The following PRSS23 variants were observed in gnomAD, a reference collection of about 807,000 sequenced individuals.
PRSS23 encodes protease, serine 23.
Under a neutral mutation model 34.7 loss-of-function variants are expected in PRSS23, and 25 were observed. The ratio of observed to expected loss-of-function variants is 0.72; its 90% CI spans 0.53 to 1.01. The LOEUF (loss-of-function observed/expected upper bound fraction) is 1.01, where lower values mean the gene tolerates loss of function less well. PRSS23 is among the 50% of genes least tolerant of loss of function. The pLI is 0.00. For synonymous variants in PRSS23, 176 were observed against 186.6 expected (o/e 0.94, Z 0.46); for missense variants, 445 against 475.6 (o/e 0.94, Z 0.60).
intron 2 of PRSS23, chr11:86,936,415 G>T (rs1293748756): frequency 6.6e-6 from 1 of 152,276 alleles, no homozygotes; most frequent in African/African-American, 2.4e-5. Context: ...TTACAGGCAT[G>T]TGACACCACA....
intron 2 of PRSS23, among the ~76,000 whole-genome samples, chr11:86,906,427 G>A (rs1948943413): frequency 6.6e-6 from 1 of 152,180 alleles, no homozygotes; most frequent in African/African-American, 2.4e-5. Context: ...CCAGCTGCCC[G>A]CCCCTGCGCC....
chr11:86,894,868 C>A (rs937022046), intron 2 of PRSS23, among the ~76,000 whole-genome samples: 13 of 152,134 alleles, frequency 8.5e-5, no homozygotes, highest in African/African-American at 3.1e-4. Flanking sequence ...TAAGGTATCT[C>A]ATTTATGTTT....
intron 2 of PRSS23, among the ~76,000 whole-genome samples, chr11:86,831,411 G>A (rs1216715652): frequency 2.0e-4 from 30 of 151,586 alleles, no homozygotes; most frequent in Admixed American, 2.0e-3. Context: ...TATCCTAGTG[G>A]GATGATACTC....
At chr11:86,815,701 A>G (rs1161287094), downstream of PRSS23, among the ~76,000 whole-genome samples, 1 of 152,132 alleles carries the variant, frequency 6.6e-6, no homozygotes, top group Non-Finnish European at 1.5e-5. Context: ...TATCTATCCC[A>G]TGGTCTAGCA....
intron 2 of PRSS23, among the ~76,000 whole-genome samples, chr11:86,823,822 C>T (rs1000361602): frequency 6.6e-6 from 1 of 151,534 alleles, no homozygotes; most frequent in Non-Finnish European, 1.5e-5. Flanking sequence ...CTGGCTAACA[C>T]GGTGAAACCC....
intron 1 of PRSS23, among the ~76,000 whole-genome samples, chr11:86,805,468 C>G (rs527522483): frequency 6.6e-6 from 1 of 152,280 alleles, no homozygotes; most frequent in South Asian, 2.1e-4. Context: ...ATGCGGGCAC[C>G]CCATGTTTTC....
chr11:86,944,352 C>G (rs1949226318), intron 2 of PRSS23, among the ~76,000 whole-genome samples: 1 of 151,856 alleles, frequency 6.6e-6, no homozygotes, highest in African/African-American at 2.4e-5. Flanking sequence ...TGCAAAGACC[C>G]TATTTCCTAA....
At chr11:86,927,295 C>T (rs561103335) in intron 2 of PRSS23, among the ~76,000 whole-genome samples, 1 of 152,250 alleles carries the variant, frequency 6.6e-6, no homozygotes, top group East Asian at 1.9e-4. Flanking sequence ...AGGGAGAAGA[C>T]AGTCTCACAG....
chr11:86,822,442 G>A (rs1948259120), intron 1 of PRSS23, among the ~76,000 whole-genome samples: 1 of 152,042 alleles, frequency 6.6e-6, no homozygotes, highest in Non-Finnish European at 1.5e-5. Context: ...GCCACATAGT[G>A]AGACCTCGTC....
chr11:86,840,364 CAAAG>C (rs1948438440), intron 2 of PRSS23, among the ~76,000 whole-genome samples: 2 of 152,128 alleles, frequency 1.3e-5, no homozygotes, highest in Non-Finnish European at 2.9e-5. Flanking sequence ...TCAAAAGAGA[CAAAG>C]AAGGCCACTA....
At chr11:86,823,883 G>A (rs1176474795) in intron 2 of PRSS23, among the ~76,000 whole-genome samples, 2 of 150,056 alleles carry the variant, frequency 1.3e-5, no homozygotes, top group Non-Finnish European at 3.0e-5. Flanking sequence ...GCGGGCGCCT[G>A]TAGTCCCAGC....
intron 2 of PRSS23, chr11:86,832,967 G>A: frequency 2.6e-6 from 1 of 383,702 alleles, no homozygotes; most frequent in Non-Finnish European, 5.0e-6. Flanking sequence ...CATTTGTAAG[G>A]CAATCAAATT....
At chr11:86,804,656 A>G (rs894057688) in intron 1 of PRSS23, among the ~76,000 whole-genome samples, 1 of 152,206 alleles carries the variant, frequency 6.6e-6, no homozygotes, top group African/African-American at 2.4e-5. Context: ...TCAAGTTGTA[A>G]GAACTCTGAA....
intron 2 of PRSS23, chr11:86,939,229 A>G (rs919966994): frequency 1.0e-5 from 3 of 286,254 alleles, no homozygotes; most frequent in Non-Finnish European, 6.9e-6. Context: ...GCAAACACAT[A>G]AACAAAAAAT....
At chr11:86,831,417 T>G (rs73520789) in intron 2 of PRSS23, among the ~76,000 whole-genome samples, 2,567 of 152,060 alleles carry the variant, frequency 0.017, 72 homozygotes, top group African/African-American at 0.059. Context: ...AGTGGGATGA[T>G]ACTCCTAATG....
Position 86,793,388 on chromosome 11 carries a change from C to T in PRSS23, c.-14+2193C>T, listed in dbSNP as rs188638277. ...CCATGGTAGAGCAACTCAGAACACC[C>T]TGTAGTGGCCAAATTCAGAGCATAC... On this transcript the variant is annotated intron_variant, in intron 1 of 1. Transcript: ENST00000527521. Among the ~76,000 whole-genome samples the T allele has an allele frequency of 3.3e-5, 5 of 152,280 alleles. 1 individual carries two copies. Among genetic ancestry groups the T allele is most frequent in the Admixed American group, 3.3e-4 (5 of 15,300 alleles).
At chr11:86,864,975 A>G (rs1057062105) in intron 2 of PRSS23, among the ~76,000 whole-genome samples, 1 of 152,212 alleles carries the variant, frequency 6.6e-6, no homozygotes, top group Non-Finnish European at 1.5e-5. Flanking sequence ...ATAACTCAGG[A>G]TCATTTTGCC....
At chr11:86,917,830 GC>G (rs1949023868) in intron 2 of PRSS23, among the ~76,000 whole-genome samples, 1 of 152,154 alleles carries the variant, frequency 6.6e-6, no homozygotes, top group South Asian at 2.1e-4. Context: ...ATAATTGATT[GC>G]CTATTCATTT....
intron 2 of PRSS23, among the ~76,000 whole-genome samples, chr11:86,928,503 A>G (rs10898555): frequency 0.62 from 89,973 of 145,168 alleles, 28,418 homozygotes; most frequent in Non-Finnish European, 0.69. Flanking sequence ...GTAAAACCCC[A>G]TCTCTACTAA....
Sources: allele counts gnomAD v4.1 joint callset (sites outside exome capture counted in the v4.1 genomes callset), GRCh38; gene constraint gnomAD v4.1.1; transcripts MANE v1.5; gene names NCBI Gene and HGNC (gene_info 2026-07-23, HGNC 2026-07-21).